FBRS: variants seen among roughly 807,000 people sequenced by gnomAD.
The protein encoded by FBRS is probable fibrosin-1.
In FBRS, 15 loss-of-function variants were observed where a neutral mutation model predicts 86.1. That is an observed-to-expected ratio of 0.17 (90% CI 0.12 to 0.27). FBRS has a LOEUF of 0.27. Ranked by LOEUF, FBRS falls within the 10% of genes least tolerant of loss-of-function variation. The pLI is 1.00. For synonymous variants in FBRS, 666 were observed against 575.8 expected (o/e 1.16, Z -2.24); for missense variants, 1,367 against 1,301.6 (o/e 1.05, Z -0.77).
At position 30,658,723 on chromosome 16, in the gene FBRS, G is replaced by C. The variant is rs2052415191; in HGVS notation, c.-796G>C. 6.6e-6 allele frequency: 1 copy of C among 152,398 alleles called. No individual in the cohort carries two copies. Among genetic ancestry groups the C allele is most frequent in the East Asian group, 1.9e-4 (1 of 5,182 alleles). 9.4% of individuals were successfully genotyped at this position (152,398 alleles called of 1,614,324 possible). On this transcript the variant is annotated 5_prime_UTR_variant, in exon 1 of 18. Coordinates refer to ENST00000356166, the MANE Select transcript of FBRS (RefSeq NM_001105079.3). ...CGCCCCGCCTCGCGCCTTTCATGGCGACCGGAGGCGGAGGCTGGAGGAGCT... is the reference window on the plus strand; with the variant it reads ...CGCCCCGCCTCGCGCCTTTCATGGCCACCGGAGGCGGAGGCTGGAGGAGCT...
At chr16:30,664,111 C>G in intron 6 of FBRS, 104 bp from the exon 7 acceptor site, 3 of 1,253,634 alleles carry the variant, frequency 2.4e-6, no homozygotes, top group Non-Finnish European at 3.1e-6. Flanking sequence ...TGCCACCTCC[C>G]GTGTTGGAGA....
In FBRS at chr16:30,669,192, GGCTGCCGCCGCCGCTGCCGCTGCT is replaced by G. The variant is rs760977226; in HGVS notation, c.2511_2534del (p.Ala842_Ala849del). 7.3e-4 allele frequency: 1,124 copies of G among 1,549,478 alleles called. 4 individuals are homozygous for G. Among genetic ancestry groups the G allele is most frequent in the Non-Finnish European group, 6.2e-4 (715 of 1,146,674 alleles). On this transcript the variant is annotated inframe_deletion, in exon 18 of 18. Transcript: ENST00000356166. This position sits in a 1 kb window ranked among gnomAD's most constrained non-coding sequence, Gnocchi z 5.9. ...GGGTAAAGGAAGAGCGGAAGGAGGA[GGCTGCCGCCGCCGCTGCCGCTGCT>G]GCTGCCGCCGCCGCTGCCGCCGCCG...
Position 30,665,746 on chromosome 16 carries a change from G to A in FBRS, c.1773+40G>A, listed in dbSNP as rs766668898. 4.5e-6 allele frequency: 7 copies of A among 1,545,188 alleles called. No individual in the cohort carries two copies. The South Asian group carries it at 7.1e-5, about 16-fold the overall frequency. ...GCAGGTCCTGGGGGAGCTGGAAGGTGTGTTGCGGGGAGAACAGAACTGACT... is the reference window on the plus strand; with the variant it reads ...GCAGGTCCTGGGGGAGCTGGAAGGTATGTTGCGGGGAGAACAGAACTGACT... On this transcript the variant is annotated intron_variant, in intron 11 of 17. Coordinates refer to ENST00000356166, the MANE Select transcript of FBRS (RefSeq NM_001105079.3). This position sits in a 1 kb window ranked among gnomAD's most constrained non-coding sequence, Gnocchi z 4.1.
rs755549582 is a variant in FBRS, at chr16:30,669,219, TGCCGCCGCC to T, written c.2520_2528del (p.Ala847_Ala849del). 2.3e-5 allele frequency: 36 copies of T among 1,544,264 alleles called. No homozygotes were observed. The Admixed American group carries it at 7.0e-4, about 30-fold the overall frequency. On this transcript the variant is annotated inframe_deletion, in exon 18 of 18. Transcript: ENST00000356166. This position sits in a 1 kb window ranked among gnomAD's most constrained non-coding sequence, Gnocchi z 5.9. Reference sequence around the variant, plus strand: ...CTGCCGCCGCCGCTGCCGCTGCTGCTGCCGCCGCCGCTGCCGCCGCCGCAGCAGCCACTG... The same window carrying T: ...CTGCCGCCGCCGCTGCCGCTGCTGCTGCTGCCGCCGCCGCAGCAGCCACTG...
At chr16:30,666,346 T>C in intron 11 of FBRS, 166 bp from the exon 12 acceptor site, 2 of 796,976 alleles carry the variant, frequency 2.5e-6, no homozygotes, top group Non-Finnish European at 4.1e-6. Flanking sequence ...GAGAGATGCC[T>C]AGACTGGGAG....
intron 2 of FBRS, 174 bp downstream of exon 2, chr16:30,660,616 C>G (rs534118687): frequency 9.3e-7 from 1 of 1,072,890 alleles, no homozygotes; most frequent in South Asian, 4.3e-5. Flanking sequence ...TGTCTACAGT[C>G]AGGTGCACCT....
chr16:30,661,382 G>A (rs2052459533), intron 4 of FBRS, 49 bp downstream of exon 4: 1 of 1,550,490 alleles, frequency 6.4e-7, no homozygotes, highest in Admixed American at 2.0e-5. Flanking sequence ...TTGTAAAAGG[G>A]ACTGCAGCAT....
In FBRS at chr16:30,667,312, C is replaced by A; in HGVS notation, c.1876-8C>A. 1 of 1,536,462 alleles carries A rather than the reference C, an allele frequency of 6.5e-7. No individual in the cohort carries two copies. The highest frequency in any genetic ancestry group is 2.0e-5 in the Admixed American group (1 of 50,422). ...CATGTACTGCCCCTCTCCCTGTGTC[C>A]CACACAGGGTGACTCCCACAAGCTT... On this transcript the variant is annotated splice_region_variant and splice_polypyrimidine_tract_variant and intron_variant, in intron 13 of 17. Transcript: ENST00000356166.
In FBRS at chr16:30,659,867, G is replaced by T; in HGVS notation, c.349G>T (p.Gly117Cys). The T allele has an allele frequency of 6.5e-7, 1 of 1,543,114 alleles. No homozygotes were observed. The highest frequency in any genetic ancestry group is 8.7e-7 in the Non-Finnish European group (1 of 1,146,302). The change falls in exon 1 of 18, where the codon GGC becomes TGC. Residue 117 changes from glycine to cysteine, a missense_variant. Gly to Cys is a radical substitution (Grantham distance 159). This residue lies in a region of FBRS where 702 missense variants were observed against 598.7 expected (regional missense o/e 1.17). Coordinates refer to ENST00000356166, the MANE Select transcript of FBRS (RefSeq NM_001105079.3). Reference protein sequence around the residue: ...EEEEEEEEEGGADDGEAEEEP... With the variant: ...EEEEEEEEEGCADDGEAEEEP... ...AGAGGAGGAGGAGGAGGAGGAGGGG[G>T]GCGCAGACGACGGCGAAGCCGAGGA... is the stretch of plus-strand genomic sequence containing the variant.
At chr16:30,660,179 G>A (rs1354607436) in intron 1 of FBRS, 84 bp from the exon 2 acceptor site, 20 of 1,411,848 alleles carry the variant, frequency 1.4e-5, no homozygotes, top group Non-Finnish European at 1.7e-5. Context: ...CGGCCCGAGG[G>A]GTACTTCGGC....
chr16:30,660,318 G>A lies in FBRS; in HGVS notation c.515G>A (p.Gly172Glu). The change falls in exon 2 of 18, where the codon GGG becomes GAG. Residue 172 changes from glycine (G) to glutamate (E), a missense_variant. Gly to Glu is a moderately conservative substitution (Grantham distance 98). Coordinates refer to ENST00000356166, the MANE Select transcript of FBRS (RefSeq NM_001105079.3). ...CTGGAACATCGGCTGAAGCATTCTG[G>A]GAAGCGGAAAAGGGGGGGCTCCAGT... Reference protein sequence around the residue: ...ERLEHRLKHSGKRKRGGSSGA... With the variant: ...ERLEHRLKHSEKRKRGGSSGA... 2.3e-6 allele frequency: 3 copies of A among 1,302,072 alleles called. No homozygotes were observed. The highest frequency in any genetic ancestry group is 3.0e-6 in the Non-Finnish European group (3 of 1,016,318). 80.7% of individuals were successfully genotyped at this position (1,302,072 alleles called of 1,614,324 possible).
In FBRS at chr16:30,659,589, G is replaced by A. The variant is rs1428828244; in HGVS notation, c.71G>A (p.Cys24Tyr). ...AAEGERRRRR[C>Y]SRRDRDREQR... ...GAGGGGGAGCGCCGACGGCGGCGCTGCTCGCGCCGAGACCGAGACCGGGAG... is the reference window on the plus strand; with the variant it reads ...GAGGGGGAGCGCCGACGGCGGCGCTACTCGCGCCGAGACCGAGACCGGGAG... Residue 24 changes from cysteine (C) to tyrosine (Y), a missense_variant, in exon 1 of 18, where the codon TGC becomes TAC. Around this residue, in one of 3 missense-constraint regions of FBRS, gnomAD observed 702 missense variants for 598.7 expected, o/e 1.17. Coordinates refer to ENST00000356166, the MANE Select transcript of FBRS (RefSeq NM_001105079.3). The A allele has an allele frequency of 1.1e-5, 4 of 351,068 alleles. No homozygotes were observed. The highest frequency in any genetic ancestry group is 4.3e-5 in the African/African-American group (2 of 46,398). 21.7% of individuals were successfully genotyped at this position (351,068 alleles called of 1,614,324 possible). A position where few individuals can be genotyped will look rare whatever the true frequency, so the allele number is the denominator to read the frequency against.
At position 30,664,997 on chromosome 16, in the gene FBRS, C is replaced by A. The variant is rs753414648; in HGVS notation, c.1564-38C>A. 6 of 1,610,636 alleles carry A rather than the reference C, an allele frequency of 3.7e-6. No homozygotes were observed. The South Asian group carries it at 4.4e-5, about 12-fold the overall frequency. On this transcript the variant is annotated intron_variant, in intron 8 of 17. Transcript: ENST00000356166. ...ATGGCTTCTGGGGGAAGGCCCGGGTCCCTGGCTGGCAGCTTACTCTTCCCT... is the reference window on the plus strand; with the variant it reads ...ATGGCTTCTGGGGGAAGGCCCGGGTACCTGGCTGGCAGCTTACTCTTCCCT...
chr16:30,665,642 C>G lies in FBRS; in HGVS notation c.1709C>G (p.Thr570Arg), dbSNP rs770974248. 4.4e-6 allele frequency: 7 copies of G among 1,587,328 alleles called. No individual in the cohort carries two copies. Among genetic ancestry groups the G allele is most frequent in the Non-Finnish European group, 6.0e-6 (7 of 1,167,186 alleles). ...SLQGAFQPKSTNPELPPRLGP... is the reference protein window; with the variant it reads ...SLQGAFQPKSRNPELPPRLGP... ...CCCTCCACTCCCCTTTCCCAGAGCACGAACCCTGAGCTGCCACCACGACTG... is the reference window on the plus strand; with the variant it reads ...CCCTCCACTCCCCTTTCCCAGAGCAGGAACCCTGAGCTGCCACCACGACTG... The change falls in exon 11 of 18, where the codon ACG becomes AGG. Residue 570 changes from threonine to arginine, a missense_variant. Around this residue, in one of 3 missense-constraint regions of FBRS, gnomAD observed 659 missense variants for 678.8 expected, o/e 0.97. Coordinates refer to ENST00000356166, the MANE Select transcript of FBRS (RefSeq NM_001105079.3). This position sits in a 1 kb window ranked among gnomAD's most constrained non-coding sequence, Gnocchi z 4.1.
rs2052508345 is a variant in FBRS at position 30,665,158 on chromosome 16, G to A, written c.1608+79G>A. 1.3e-6 allele frequency: 2 copies of A among 1,564,072 alleles called. No homozygotes were observed. Among genetic ancestry groups the A allele is most frequent in the African/African-American group, 2.7e-5 (2 of 73,984 alleles). On this transcript the variant is annotated intron_variant, in intron 9 of 17. Transcript: ENST00000356166. This position sits in a 1 kb window ranked among gnomAD's most constrained non-coding sequence, Gnocchi z 4.1. ...TCCATGCTTGTGACCCTGACTGCTG[G>A]GGTCCAGTCTTCAGCACAAAAGCAA...
chr16:30,660,700 C>T (rs1198836499), intron 2 of FBRS: 5 of 551,920 alleles, frequency 9.1e-6, no homozygotes, highest in East Asian at 3.5e-5. Context: ...ATAGTTGGGT[C>T]GTAAATTAAT....
Position 30,664,885 on chromosome 16 carries a change from C to G in FBRS, c.1528C>G (p.Pro510Ala), listed in dbSNP as rs775970910. 4.3e-6 allele frequency: 7 copies of G among 1,609,318 alleles called. No homozygotes were observed. The highest frequency in any genetic ancestry group is 5.9e-6 in the Non-Finnish European group (7 of 1,177,908). ...QHTHQHFTPY[P>A]PGLLPPHGPH... ...CACCCACCAGCACTTCACCCCTTAT[C>G]CCCCGGGCCTGCTGCCACCCCACGG... The change falls in exon 8 of 18, where the codon CCC (proline) becomes GCC (alanine). Residue 510 changes from proline (P) to alanine (A), a missense_variant. By Grantham distance (27) the Pro-to-Ala change is conservative. Around this residue, in one of 3 missense-constraint regions of FBRS, gnomAD observed 659 missense variants for 678.8 expected, o/e 0.97. Transcript: ENST00000356166.
Position 30,669,225 on chromosome 16 carries a change from C to T in FBRS, c.2523C>T (p.Ala841=), listed in dbSNP as rs551876225. 12 of 1,542,814 alleles carry T rather than the reference C, an allele frequency of 7.8e-6. No homozygotes were observed. The highest frequency in any genetic ancestry group is 4.0e-5 in the Admixed American group (2 of 50,168). ...CCGCCGCTGCCGCTGCTGCTGCCGC[C>T]GCCGCTGCCGCCGCCGCAGCAGCCA... ...AAAAAAAAAA[A]AAAAAAAATG... is the part of the protein sequence containing the mutation. Residue 841 remains alanine, a synonymous_variant, in exon 18 of 18, where the codon GCC becomes GCT. Coordinates refer to ENST00000356166, the MANE Select transcript of FBRS (RefSeq NM_001105079.3). This position sits in a 1 kb window ranked among gnomAD's most constrained non-coding sequence, Gnocchi z 5.9.
Position 30,664,384 on chromosome 16 carries a change from C to G in FBRS, c.1225C>G (p.Pro409Ala). The part of the protein sequence containing the change: ...PLPLSTHSFP[P>A]PGLRPPPPPH... ...GCCTTTGTCCACCCACAGCTTTCCCCCTCCCGGGCTGCGGCCCCCCCCACC... is the reference window on the plus strand; with the variant it reads ...GCCTTTGTCCACCCACAGCTTTCCCGCTCCCGGGCTGCGGCCCCCCCCACC... The change falls in exon 7 of 18, where the codon CCT (proline) becomes GCT (alanine). Residue 409 changes from proline to alanine, a missense_variant. Physicochemically the swap from Pro to Ala is conservative, Grantham distance 27 (BLOSUM62 -1). Coordinates refer to ENST00000356166, the MANE Select transcript of FBRS (RefSeq NM_001105079.3). The G allele has an allele frequency of 1.3e-6, 2 of 1,507,118 alleles. No homozygotes were observed. The highest frequency in any genetic ancestry group is 1.8e-6 in the Non-Finnish European group (2 of 1,119,588). 93.4% of individuals were successfully genotyped at this position (1,507,118 alleles called of 1,614,324 possible). A position where few individuals can be genotyped will look rare whatever the true frequency, so the allele number is the denominator to read the frequency against.
Sources: allele counts gnomAD v4.1 joint callset, GRCh38; gene constraint gnomAD v4.1.1; regional missense constraint gnomAD v4.1.1; non-coding constraint Gnocchi (gnomAD v3.1); transcripts MANE v1.5; gene names NCBI Gene and HGNC (gene_info 2026-07-23, HGNC 2026-07-21).